Variants in ELMO1 observed in about 807,000 individuals in gnomAD.
ELMO1 encodes the protein engulfment and cell motility protein 1.
ELMO1 carries 26 observed loss-of-function variants against 98.9 expected under a neutral mutation model. The ratio of observed to expected loss-of-function variants is 0.26; its 90% confidence interval spans 0.19 to 0.36. The LOEUF (loss-of-function observed/expected upper bound fraction) is 0.36. Ranked by LOEUF, ELMO1 falls within the 10% of genes least tolerant of loss-of-function variation. The pLI is 1.00. For synonymous variants in ELMO1, 346 were observed against 346.0 expected (o/e 1.00, Z 0.00); for missense variants, 627 against 935.2 (o/e 0.67, Z 4.30).
At chr7:36,985,863 T>C (rs951098372) in intron 16 of ELMO1, 3 of 986,042 alleles carry the variant, frequency 3.0e-6, no homozygotes, top group Non-Finnish European at 3.7e-6. Flanking sequence ...AGGACAAAGC[T>C]ACATTTAGCT....
chr7:37,116,013 T>G (rs75280401), intron 14 of ELMO1, among the ~76,000 whole-genome samples: 2,414 of 152,310 alleles, frequency 0.016, 56 homozygotes, highest in African/African-American at 0.055. Flanking sequence ...TCTGTACTTT[T>G]GCTCAACTTT....
intron 16 of ELMO1, among the ~76,000 whole-genome samples, chr7:36,961,892 G>T (rs1380692564): frequency 2.6e-5 from 4 of 152,162 alleles, no homozygotes; most frequent in African/African-American, 9.7e-5. Context: ...CAAATCTTCA[G>T]TTTCAACTAC....
chr7:37,192,321 C>A (rs1791636649), intron 13 of ELMO1, among the ~76,000 whole-genome samples: 1 of 151,794 alleles, frequency 6.6e-6, no homozygotes, highest in African/African-American at 2.4e-5. Flanking sequence ...ATGGTGAAAT[C>A]CCGTCTCTGC....
chr7:37,257,520 C>T (rs1007246008), intron 6 of ELMO1, among the ~76,000 whole-genome samples: 1 of 151,564 alleles, frequency 6.6e-6, no homozygotes, highest in South Asian at 2.1e-4. Flanking sequence ...GTCAAGAGAT[C>T]GAGACCATCC....
chr7:36,874,819 G>A (rs922766065), intron 19 of ELMO1, among the ~76,000 whole-genome samples: 1 of 152,182 alleles, frequency 6.6e-6, no homozygotes, highest in Non-Finnish European at 1.5e-5. Context: ...GCTTGGGAGG[G>A]ATATGGGGAG....
chr7:37,171,488 T>TTTA (rs1293712904), intron 13 of ELMO1, among the ~76,000 whole-genome samples: 3 of 114,666 alleles, frequency 2.6e-5, no homozygotes, highest in Non-Finnish European at 5.6e-5. Flanking sequence ...TTTCTATTTT[T>TTTA]TTTTTTTTTT....
intron 4 of ELMO1, among the ~76,000 whole-genome samples, chr7:37,309,674 T>C (rs1047704239): frequency 1.3e-5 from 2 of 152,224 alleles, no homozygotes; most frequent in Non-Finnish European, 2.9e-5. Flanking sequence ...GAAAGCTCTT[T>C]GATTGAGGGT....
chr7:36,864,916 G>T (rs1384175746), intron 20 of ELMO1, among the ~76,000 whole-genome samples: 1 of 152,176 alleles, frequency 6.6e-6, no homozygotes, highest in East Asian at 1.9e-4. Flanking sequence ...TGAGTCCTAG[G>T]GAGAGTGGAG....
At position 36,953,914 on chromosome 7, in the gene ELMO1, G is replaced by C. The variant is rs917021704; in HGVS notation, c.1438-58897C>G. Among the ~76,000 whole-genome samples, 4 of 148,440 alleles carry C rather than the reference G, an allele frequency of 2.7e-5. No homozygotes were observed. The East Asian group carries it at 8.0e-4, about 30-fold the overall frequency. ...GTGTGTGTATTAGTCATTTCAGTAG[G>C]AACTTTGGAAGAAGGGGAATTAAAT... On this transcript the variant is annotated intron_variant, in intron 16 of 21. Coordinates refer to ENST00000310758, the MANE Select transcript of ELMO1 (RefSeq NM_014800.11).
chr7:37,286,866 G>T (rs1797417576), intron 4 of ELMO1, among the ~76,000 whole-genome samples: 1 of 152,062 alleles, frequency 6.6e-6, no homozygotes, highest in South Asian at 2.1e-4. Flanking sequence ...AAATAAGCTT[G>T]CAAAGAAACC....
intron 16 of ELMO1, among the ~76,000 whole-genome samples, chr7:36,950,519 T>G (rs1050716136): frequency 6.6e-6 from 1 of 152,214 alleles, no homozygotes; most frequent in Non-Finnish European, 1.5e-5. Context: ...TTCAACCCCT[T>G]GGGCTGTCTG....
intron 1 of ELMO1, among the ~76,000 whole-genome samples, chr7:37,402,795 ATAT>A (rs1489035352): frequency 6.6e-6 from 1 of 152,218 alleles, no homozygotes; most frequent in Non-Finnish European, 1.5e-5. Context: ...ATTTTTCCAC[ATAT>A]TATCTTTAAT....
intron 15 of ELMO1, among the ~76,000 whole-genome samples, chr7:37,091,603 C>T (rs1008624758): frequency 6.6e-6 from 1 of 152,136 alleles, no homozygotes; most frequent in East Asian, 1.9e-4. Flanking sequence ...CTCTCACTGA[C>T]CCTGCACACA....
At chr7:37,182,269 C>G (rs1243093462) in intron 13 of ELMO1, among the ~76,000 whole-genome samples, 2 of 152,114 alleles carry the variant, frequency 1.3e-5, no homozygotes, top group Non-Finnish European at 2.9e-5. Flanking sequence ...GTTTTATACA[C>G]CGGCAGATAC....
At chr7:37,096,104 A>AT (rs1784353020) in intron 15 of ELMO1, among the ~76,000 whole-genome samples, 1 of 152,228 alleles carries the variant, frequency 6.6e-6, no homozygotes, top group African/African-American at 2.4e-5. Context: ...CAATAAAAAT[A>AT]TTGCTGACCA....
At chr7:37,129,957 AGGCACCAT>A (rs986001303) in intron 14 of ELMO1, among the ~76,000 whole-genome samples, 11 of 152,250 alleles carry the variant, frequency 7.2e-5, no homozygotes, top group Admixed American at 5.9e-4. Flanking sequence ...TGAACAAAGC[AGGCACCAT>A]TGTACCTTTG....
intron 16 of ELMO1, among the ~76,000 whole-genome samples, chr7:37,011,109 A>G (rs1793519147): frequency 6.6e-6 from 1 of 152,232 alleles, no homozygotes; most frequent in African/African-American, 2.4e-5. Context: ...AATGCAAAAA[A>G]TGGCATTAGA....
chr7:37,081,098 T>C (rs1797844345), intron 15 of ELMO1, among the ~76,000 whole-genome samples: 1 of 152,234 alleles, frequency 6.6e-6, no homozygotes, highest in Non-Finnish European at 1.5e-5. Flanking sequence ...GTCAGATTAT[T>C]TCACTGCTAT....
At chr7:37,402,571 C>T (rs1295253859) in intron 1 of ELMO1, among the ~76,000 whole-genome samples, 1 of 152,132 alleles carries the variant, frequency 6.6e-6, no homozygotes, top group African/African-American at 2.4e-5. Flanking sequence ...AGCCAACATA[C>T]TTATGGAAGA....
Sources: allele counts gnomAD v4.1 joint callset (sites outside exome capture counted in the v4.1 genomes callset), GRCh38; gene constraint gnomAD v4.1.1; transcripts MANE v1.5; gene names NCBI Gene and HGNC (gene_info 2026-07-23, HGNC 2026-07-21).